Variants in GMDS observed in about 807,000 individuals in gnomAD.
GMDS encodes GDP-mannose 4,6 dehydratase.
In GMDS, 20 loss-of-function variants were observed where a neutral mutation model predicts 49.9. The observed-to-expected ratio is 0.40, with a 90% CI of 0.28 to 0.58. The LOEUF is 0.58. Ranked by LOEUF, GMDS falls within the 20% of genes least tolerant of loss-of-function variation. GMDS has a pLI of 0.42. For synonymous variants in GMDS, 177 were observed against 178.6 expected (o/e 0.99, Z 0.07); for missense variants, 362 against 481.4 (o/e 0.75, Z 2.32).
At chr6:2,192,025 C>A (rs1282617162) in intron 1 of GMDS, among the ~76,000 whole-genome samples, 1 of 152,182 alleles carries the variant, frequency 6.6e-6, no homozygotes, top group Non-Finnish European at 1.5e-5. Flanking sequence ...TAGAGCAGGG[C>A]AGGGGATGGG....
At chr6:1,777,137 T>C (rs533206172) in intron 7 of GMDS, among the ~76,000 whole-genome samples, 44 of 152,276 alleles carry the variant, frequency 2.9e-4, no homozygotes, top group Non-Finnish European at 5.3e-4. Flanking sequence ...CCAGGCACCA[T>C]ATGGGCATGG....
chr6:1,692,630 T>C (rs1397155444), intron 9 of GMDS, among the ~76,000 whole-genome samples: 1 of 152,240 alleles, frequency 6.6e-6, no homozygotes, highest in Non-Finnish European at 1.5e-5. Flanking sequence ...TAGTCCCTAT[T>C]GCTACGTCTT....
Position 1,817,679 on chromosome 6 carries a change from G to C in GMDS, c.772-75093C>G, listed in dbSNP as rs1429750428. On this transcript the variant is annotated intron_variant, in intron 7 of 10. Transcript: ENST00000380815. ...CAGAACAAACAATTTAATTGCTTCT[G>C]TCCTTGTGAGGGCAATAGCTCCAGA... Among the ~76,000 whole-genome samples the C allele has an allele frequency of 7.9e-5, 12 of 152,320 alleles. No homozygotes were observed. The South Asian group carries it at 2.5e-3, about 32-fold the overall frequency.
chr6:2,067,037 A>G (rs1456892225), intron 4 of GMDS, among the ~76,000 whole-genome samples: 1 of 151,672 alleles, frequency 6.6e-6, no homozygotes, highest in Non-Finnish European at 1.5e-5. Context: ...CAGCAAATGT[A>G]AAAGAACAGA....
intron 1 of GMDS, among the ~76,000 whole-genome samples, chr6:2,162,301 G>C (rs1030387035): frequency 1.3e-5 from 2 of 152,280 alleles, no homozygotes; most frequent in Non-Finnish European, 1.5e-5. Context: ...AGGGAGGCCA[G>C]TTTTTGCAAT....
chr6:2,171,867 A>C (rs551375669), intron 1 of GMDS, among the ~76,000 whole-genome samples: 1 of 152,334 alleles, frequency 6.6e-6, no homozygotes, highest in South Asian at 2.1e-4. Context: ...GAACAAAATA[A>C]GGAAGGAAAC....
At chr6:2,216,630 CAGG>C (rs1780346864) in intron 1 of GMDS, among the ~76,000 whole-genome samples, 1 of 152,214 alleles carries the variant, frequency 6.6e-6, no homozygotes, top group Non-Finnish European at 1.5e-5. Flanking sequence ...AAGACTGAGA[CAGG>C]AGGAGCACTT....
intron 4 of GMDS, among the ~76,000 whole-genome samples, chr6:2,096,172 C>A (rs1162575156): frequency 6.6e-6 from 1 of 152,106 alleles, no homozygotes; most frequent in African/African-American, 2.4e-5. Context: ...CATTATATAA[C>A]TCTCCTCCAG....
chr6:1,784,127 A>C (rs1230600032), intron 7 of GMDS, among the ~76,000 whole-genome samples: 2 of 152,200 alleles, frequency 1.3e-5, no homozygotes, highest in Non-Finnish European at 2.9e-5. Context: ...ATTTTTGTCC[A>C]TTTAAAAAGA....
intron 9 of GMDS, among the ~76,000 whole-genome samples, chr6:1,674,246 TTTTAG>T (rs1268937807): frequency 6.6e-6 from 1 of 152,204 alleles, no homozygotes; most frequent in Non-Finnish European, 1.5e-5. Flanking sequence ...CTCATGGTTG[TTTTAG>T]TTTAAATTCC....
Position 2,052,129 on chromosome 6 carries a change from AAG to A in GMDS, c.345+63640_345+63641del, listed in dbSNP as rs1373457445. Among the ~76,000 whole-genome samples the A allele has an allele frequency of 8.8e-4, 122 of 138,006 alleles. 5 individuals carry two copies. The highest frequency in any genetic ancestry group is 3.3e-3 in the Admixed American group (46 of 13,956). 90.5% of individuals were successfully genotyped at this position (138,006 alleles called of 152,430 possible). On this transcript the variant is annotated intron_variant, in intron 4 of 10. Coordinates refer to ENST00000380815, the MANE Select transcript of GMDS (RefSeq NM_001500.4). ...AAGACTCTGTCTCAAAAAAAAAAAA[AAG>A]AAAAAAAAAAAACAGAAAAGAAAAA...
chr6:1,700,404 C>T (rs1457652708), intron 9 of GMDS, among the ~76,000 whole-genome samples: 2 of 152,116 alleles, frequency 1.3e-5, no homozygotes, highest in Non-Finnish European at 2.9e-5. Flanking sequence ...TTAAATACAG[C>T]TCCTCAGTAC....
At chr6:1,912,150 G>A (rs1214515720) in intron 7 of GMDS, among the ~76,000 whole-genome samples, 1 of 152,110 alleles carries the variant, frequency 6.6e-6, no homozygotes, top group African/African-American at 2.4e-5. Flanking sequence ...TGGATCACCT[G>A]AGGTCAGGAG....
chr6:1,999,126 A>G (rs1320159042), intron 4 of GMDS, among the ~76,000 whole-genome samples: 1 of 152,136 alleles, frequency 6.6e-6, no homozygotes, highest in Non-Finnish European at 1.5e-5. Flanking sequence ...AATCGAGACC[A>G]GCCTGGCCAA....
chr6:2,165,686 T>C (rs1057117053), intron 1 of GMDS, among the ~76,000 whole-genome samples: 23 of 152,244 alleles, frequency 1.5e-4, no homozygotes, highest in African/African-American at 2.9e-4. Context: ...AGACAACTCA[T>C]GTTAAAAGCT....
At chr6:1,969,568 T>C (rs1764483476) in intron 4 of GMDS, among the ~76,000 whole-genome samples, 1 of 152,108 alleles carries the variant, frequency 6.6e-6, no homozygotes, top group South Asian at 2.1e-4. Context: ...GTAACATACG[T>C]TGTTTGCCTC....
intron 4 of GMDS, among the ~76,000 whole-genome samples, chr6:2,050,724 A>G (rs1359575775): frequency 6.6e-6 from 1 of 152,236 alleles, no homozygotes; most frequent in Non-Finnish European, 1.5e-5. Flanking sequence ...CTGGTTCAAC[A>G]TACGCAAATC....
intron 7 of GMDS, among the ~76,000 whole-genome samples, chr6:1,774,862 G>A (rs1447123430): frequency 6.6e-6 from 1 of 152,206 alleles, no homozygotes; most frequent in African/African-American, 2.4e-5. Flanking sequence ...AAAGGGAACT[G>A]AGTTTCAGAG....
At chr6:1,892,429 G>C (rs752769726) in intron 7 of GMDS, among the ~76,000 whole-genome samples, 1 of 151,990 alleles carries the variant, frequency 6.6e-6, no homozygotes, top group Non-Finnish European at 1.5e-5. Context: ...GTATGATCTT[G>C]GCTCACTGCA....
Sources: gnomAD v4.1 joint callset for allele counts (sites outside exome capture counted in the v4.1 genomes callset) on GRCh38, gnomAD v4.1.1 for gene constraint, MANE v1.5 for transcripts, NCBI Gene and HGNC (gene_info 2026-07-23, HGNC 2026-07-21) for gene names.